Variants in SMAP2 observed in about 807,000 individuals in gnomAD.
The protein encoded by SMAP2 is small ArfGAP2, also known as stromal membrane-associated protein 2.
In SMAP2, 25 loss-of-function variants were observed where a neutral mutation model predicts 56.4. The ratio of observed to expected loss-of-function variants is 0.44; its 90% confidence interval spans 0.32 to 0.62. The LOEUF (loss-of-function observed/expected upper bound fraction) is 0.62, where lower values mean the gene tolerates loss of function less well. Among genes scored for constraint, SMAP2 ranks in the 20% least tolerant of loss-of-function variants. The pLI, the probability that SMAP2 is intolerant of heterozygous loss-of-function variation, is 0.04. For missense variants in SMAP2, 388 were observed against 545.6 expected, an observed-to-expected ratio of 0.71 and a Z score of 2.88; for synonymous variants, 157 against 181.7, an observed-to-expected ratio of 0.86 and a Z score of 1.09.
intron 3 of SMAP2, 136 bp from the exon 4 acceptor site, chr1:40,409,621 T>C (rs1460459618): frequency 1.6e-6 from 1 of 621,920 alleles, no homozygotes; most frequent in South Asian, 2.0e-5. Flanking sequence ...AAATTGCATA[T>C]GAAGAGGCAG....
At chr1:40,412,095 C>T (rs1449099101) in intron 4 of SMAP2, among the ~76,000 whole-genome samples, 1 of 152,048 alleles carries the variant, frequency 6.6e-6, no homozygotes, top group African/African-American at 2.4e-5. Context: ...TTACCATTTC[C>T]CTTCTGTGGC....
intron 7 of SMAP2, among the ~76,000 whole-genome samples, chr1:40,415,892 G>T (rs1330208967): frequency 1.3e-5 from 2 of 152,182 alleles, no homozygotes; most frequent in Admixed American, 6.5e-5. Context: ...CTAGTAAATG[G>T]CTACACTGGG....
intron 9 of SMAP2, among the ~76,000 whole-genome samples, chr1:40,420,917 A>C (rs1208871473): frequency 6.6e-6 from 1 of 152,230 alleles, no homozygotes; most frequent in Non-Finnish European, 1.5e-5. Flanking sequence ...TGCCATGTAC[A>C]TTAGAATATG....
At chr1:40,400,988 G>A (rs1057044139) in intron 1 of SMAP2, among the ~76,000 whole-genome samples, 16 of 152,212 alleles carry the variant, frequency 1.1e-4, no homozygotes, top group Middle Eastern at 3.4e-3. Flanking sequence ...GGTTGGGCGC[G>A]GTGGCTCACA....
At chr1:40,411,072 A>T (rs1265494068) in intron 4 of SMAP2, among the ~76,000 whole-genome samples, 1 of 152,254 alleles carries the variant, frequency 6.6e-6, no homozygotes, top group Non-Finnish European at 1.5e-5. Context: ...CTTCAGGCTG[A>T]TCTTATGAAG....
intron 1 of SMAP2, among the ~76,000 whole-genome samples, chr1:40,360,008 T>C (rs1236633744): frequency 1.5e-5 from 2 of 136,772 alleles, no homozygotes; most frequent in Non-Finnish European, 3.2e-5. Flanking sequence ...TTCTTTCTTT[T>C]TTTTTTTTTT....
At chr1:40,415,703 A>G (rs1230707145) in intron 7 of SMAP2, among the ~76,000 whole-genome samples, 4 of 152,176 alleles carry the variant, frequency 2.6e-5, no homozygotes, top group Admixed American at 6.5e-5. Flanking sequence ...TGAAACCTTT[A>G]ATGGCTACCA....
chr1:40,381,891 A>G (rs1569851857), intron 1 of SMAP2, among the ~76,000 whole-genome samples: 1 of 152,156 alleles, frequency 6.6e-6, no homozygotes, highest in South Asian at 2.1e-4. Context: ...TTATTTTAGC[A>G]TAAGTCTAGT....
Position 40,416,972 on chromosome 1 carries a change from T to C in SMAP2, c.1040T>C (p.Met347Thr), listed in dbSNP as rs1004351808. The C allele has an allele frequency of 1.2e-6, 2 of 1,614,124 alleles. No homozygotes were observed. The highest frequency in any genetic ancestry group is 1.7e-5 in the Admixed American group (1 of 60,018). Residue 347 changes from methionine (M) to threonine (T), a missense_variant, in exon 9 of 10, where the codon ATG (methionine) becomes ACG (threonine). Transcript: ENST00000372718. ...AGYMGGMQAS[M>T]MGVPNGMMTT... ...TATATGGGTGGCATGCAGGCATCAA[T>C]GATGGGTGTGCCGAATGGAATGATG...
Position 40,414,217 on chromosome 1 carries a change from C to A in SMAP2, c.548C>A (p.Pro183His), listed in dbSNP as rs1217368960. The part of the protein sequence containing the change: ...PRKSSPKSTA[P>H]VMDLLGLDAP... ...AAAAGCTCCCCGAAATCCACAGCGC[C>A]TGTCATGGATTTGTTGGGCCTTGGT... The change falls in exon 6 of 10, where the codon CCT becomes CAT. Residue 183 changes from proline (P) to histidine (H), a missense_variant. Pro to His is a moderately conservative substitution (Grantham distance 77). Coordinates refer to ENST00000372718, the MANE Select transcript of SMAP2 (RefSeq NM_022733.3). The A allele has an allele frequency of 6.2e-7, 1 of 1,614,186 alleles. No individual in the cohort carries two copies. The highest frequency in any genetic ancestry group is 1.7e-5 in the Admixed American group (1 of 60,028).
chr1:40,378,400 T>C (rs1202236761), intron 1 of SMAP2, among the ~76,000 whole-genome samples: 1 of 152,230 alleles, frequency 6.6e-6, no homozygotes, highest in Non-Finnish European at 1.5e-5. Context: ...GTGTCCACTA[T>C]TGGGACACTC....
At chr1:40,387,885 C>T (rs1010070414) in intron 1 of SMAP2, among the ~76,000 whole-genome samples, 1 of 151,884 alleles carries the variant, frequency 6.6e-6, no homozygotes, top group Non-Finnish European at 1.5e-5. Flanking sequence ...GGCTGTGTGC[C>T]GCACTTGTGG....
chr1:40,382,964 G>A (rs1644613391), intron 1 of SMAP2, among the ~76,000 whole-genome samples: 1 of 152,200 alleles, frequency 6.6e-6, no homozygotes, highest in South Asian at 2.1e-4. Flanking sequence ...TCTTAGGAAA[G>A]CTATTAATTT....
At chr1:40,415,477 T>C (rs1362589759) in intron 7 of SMAP2, 96 bp downstream of exon 7, 1 of 839,556 alleles carries the variant, frequency 1.2e-6, no homozygotes, top group Non-Finnish European at 2.0e-6. Flanking sequence ...CTTGGTGGAG[T>C]TGGACTTTGG....
rs983641051 is a variant in SMAP2, at chr1:40,395,716, G to A, written c.104-11020G>A. Among the ~76,000 whole-genome samples, 13 of 152,260 alleles carry A rather than the reference G, an allele frequency of 8.5e-5. No individual in the cohort carries two copies. The East Asian group carries it at 1.5e-3, about 18-fold the overall frequency. ...ATTAGTGCTGTAATTTAGATAATTC[G>A]TATCTTTAGCTGTGTAGATAAGAAG... On this transcript the variant is annotated intron_variant, in intron 1 of 9. Transcript: ENST00000372718.
intron 1 of SMAP2, among the ~76,000 whole-genome samples, chr1:40,348,324 C>T (rs1265983892): frequency 6.6e-6 from 1 of 152,126 alleles, no homozygotes; most frequent in Non-Finnish European, 1.5e-5. Context: ...CCCTCCCTGC[C>T]AGCATTATAC....
intron 9 of SMAP2, among the ~76,000 whole-genome samples, chr1:40,417,547 G>T (rs1645001944): frequency 1.3e-5 from 2 of 152,126 alleles, no homozygotes; most frequent in Non-Finnish European, 2.9e-5. Flanking sequence ...TAATACCACA[G>T]ATAAAGTAAC....
chr1:40,359,686 GTTTGTTT>G (rs1395646224), intron 1 of SMAP2, among the ~76,000 whole-genome samples: 2 of 151,408 alleles, frequency 1.3e-5, no homozygotes, highest in African/African-American at 4.9e-5. Flanking sequence ...TTTATCTGTT[GTTTGTTT>G]TTTATTTGAG....
chr1:40,387,886 G>A (rs1021903229), intron 1 of SMAP2, among the ~76,000 whole-genome samples: 4 of 151,642 alleles, frequency 2.6e-5, no homozygotes, highest in African/African-American at 7.3e-5. Flanking sequence ...GCTGTGTGCC[G>A]CACTTGTGGG....
Sources: gnomAD v4.1 joint callset for allele counts (sites outside exome capture counted in the v4.1 genomes callset) on GRCh38, gnomAD v4.1.1 for gene constraint, MANE v1.5 for transcripts, NCBI Gene and HGNC (gene_info 2026-07-23, HGNC 2026-07-21) for gene names.